Variants in CT47B1 observed in about 807,000 individuals in gnomAD.
CT47B1 encodes the protein cancer/testis antigen family 47 member B1.
In CT47B1, 24 loss-of-function variants were observed where a neutral mutation model predicts 12.8. The observed-to-expected ratio is 1.87, with a 90% CI of 1.36 to 2.63. The LOEUF is 2.63. Among genes scored for constraint, CT47B1 ranks in the 30% most tolerant of loss-of-function variants. The probability of loss-of-function intolerance (pLI) is 0.00; values close to 1 mark genes in which losing one functional copy is unlikely to be tolerated. For missense variants in CT47B1, 523 were observed against 271.3 expected, an observed-to-expected ratio of 1.93 and a Z score of -6.52; for synonymous variants, 228 against 133.3, an observed-to-expected ratio of 1.71 and a Z score of -4.89.
rs764730548 is a variant in CT47B1 at position 120,875,321 on chromosome X, G to T, written c.350C>A (p.Ala117Glu). Residue 117 changes from alanine (A) to glutamate (E), a missense_variant, in exon 1 of 3, where the codon GCG (alanine) becomes GAG (glutamate). By Grantham distance (107) the Ala-to-Glu change is moderately radical. Transcript: ENST00000371311. ...CAGGAACACGAAGCCAATGCCCGCC[G>T]CCGGGTACCGACGGGTGGCCACCGC... is the stretch of plus-strand genomic sequence containing the variant. ...DLAVATRRYPAAGIGFVFLYL... is the reference protein window; with the variant it reads ...DLAVATRRYPEAGIGFVFLYL... The T allele has an allele frequency of 8.3e-6, 10 of 1,210,652 alleles. No individual in the cohort carries two copies. The East Asian group carries it at 8.9e-5, about 11-fold the overall frequency.
In CT47B1 at chrX:120,875,234, C is replaced by T. The variant is rs776813726; in HGVS notation, c.437G>A (p.Arg146His). ...CCCCACCATCAGGCGGCTGAGGTGA[C>T]GGTTCGCTATCTGGATGTGGTCGTT... ...YHNDHIQIAN[R>H]HLSRLMVGPH... Residue 146 changes from arginine (R) to histidine (H), a missense_variant, in exon 1 of 3, where the codon CGT (arginine) becomes CAT (histidine). Coordinates refer to ENST00000371311, the MANE Select transcript of CT47B1 (RefSeq NM_001145718.3). 1.6e-5 allele frequency: 19 copies of T among 1,210,112 alleles called. No individual in the cohort carries two copies. Among genetic ancestry groups the T allele is most frequent in the East Asian group, 3.0e-5 (1 of 33,756 alleles).
Position 120,875,155 on chromosome X carries a change from G to T in CT47B1, c.516C>A (p.Ser172=), listed in dbSNP as rs751211819. Reference sequence around the variant, plus strand: ...CTGCAGCCCCTGCACCCAGCCTCTGGGACAGCAGCAGCAGGGGAGGGTTGT... The same window carrying T: ...CTGCAGCCCCTGCACCCAGCCTCTGTGACAGCAGCAGCAGGGGAGGGTTGT... ...LWDNPPLLLL[S]QRLGAGAAAP... The change falls in exon 1 of 3, where the codon TCC becomes TCA. Residue 172 remains serine (S), a synonymous_variant. Coordinates refer to ENST00000371311, the MANE Select transcript of CT47B1 (RefSeq NM_001145718.3). The T allele has an allele frequency of 7.7e-5, 93 of 1,209,705 alleles. No individual in the cohort carries two copies. The African/African-American group carries it at 1.5e-3, about 19-fold the overall frequency.
Position 120,873,864 on chromosome X carries a change from C to T in CT47B1, c.*31+1G>A. ...TGATTCTCAAAGCTATACACAGATA[C>T]CTGGATTTTCTTGGCTTCACCTCTG... On this transcript the variant is annotated splice_donor_variant, in intron 2 of 2. Transcript: ENST00000371311. LOFTEE classifies it low-confidence loss of function (3UTR_SPLICE). 1 of 1,067,905 alleles carries T rather than the reference C, an allele frequency of 9.4e-7. No homozygotes were observed. The highest frequency in any genetic ancestry group is 3.2e-5 in the East Asian group (1 of 31,446). 88.0% of individuals were successfully genotyped at this position (1,067,905 alleles called of 1,213,427 possible).
Position 120,875,503 on chromosome X carries a change from C to G in CT47B1, c.168G>C (p.Gly56=). The G allele has an allele frequency of 8.3e-7, 1 of 1,199,472 alleles. No homozygotes were observed. The highest frequency in any genetic ancestry group is 1.1e-6 in the Non-Finnish European group (1 of 894,136). ...VPAAEVVGVA[G]PVEGLGEEEG... ...CCTCCTCCCCGAGGCCTTCCACGGG[C>G]CCTGCGACTCCGACCACCTCGGCCG... The change falls in exon 1 of 3, where the codon GGG becomes GGC. Residue 56 remains glycine (G), a synonymous_variant. Transcript: ENST00000371311.
In CT47B1 at chrX:120,875,548, G is replaced by A. The variant is rs770931566; in HGVS notation, c.123C>T (p.Asp41=). ...GNQEGGDSGP[D]SSDMVPAAEV... ...CGGCCGCAGGCACCATGTCGCTGCTGTCGGGGCCGGAGTCGCCGCCCTCCT... is the reference window on the plus strand; with the variant it reads ...CGGCCGCAGGCACCATGTCGCTGCTATCGGGGCCGGAGTCGCCGCCCTCCT... Residue 41 remains aspartate (D), a synonymous_variant, in exon 1 of 3, where the codon GAC becomes GAT. Transcript: ENST00000371311. 3 of 1,195,091 alleles carry A rather than the reference G, an allele frequency of 2.5e-6. No homozygotes were observed. Among genetic ancestry groups the A allele is most frequent in the Non-Finnish European group, 3.4e-6 (3 of 893,711 alleles).
In CT47B1 at chrX:120,875,296, C is replaced by A. The variant is rs753241129; in HGVS notation, c.375G>T (p.Leu125=). ...GGCGGAGAAGGGAGTGGACCAGGTA[C>A]AGGAACACGAAGCCAATGCCCGCCG... The part of the protein sequence containing the change: ...YPAAGIGFVF[L]YLVHSLLRRL... Residue 125 remains leucine (L), a synonymous_variant, in exon 1 of 3, where the codon CTG becomes CTT. Transcript: ENST00000371311. The A allele has an allele frequency of 3.3e-6, 4 of 1,211,349 alleles. No individual in the cohort carries two copies. Among genetic ancestry groups the A allele is most frequent in the South Asian group, 3.5e-5 (2 of 57,004 alleles).
rs766074421 is a variant in CT47B1, at chrX:120,875,288, A to C, written c.383T>G (p.Val128Gly). 5.0e-6 allele frequency: 6 copies of C among 1,210,158 alleles called. No individual in the cohort carries two copies. Among genetic ancestry groups the C allele is most frequent in the East Asian group, 5.9e-5 (2 of 33,751 alleles). Residue 128 changes from valine (V) to glycine (G), a missense_variant, in exon 1 of 3, where the codon GTC becomes GGC. Physicochemically the swap from Val to Gly is moderately radical, Grantham distance 109 (BLOSUM62 -3). Transcript: ENST00000371311. ...AGIGFVFLYL[V>G]HSLLRRLYHN... ...ATAGAGGCGGCGGAGAAGGGAGTGG[A>C]CCAGGTACAGGAACACGAAGCCAAT...
chrX:120,875,337 T>C lies in CT47B1; in HGVS notation c.334A>G (p.Thr112Ala), dbSNP rs752642147. ...EAANFDLAVA[T>A]RRYPAAGIGF... is the part of the protein sequence containing the mutation. Reference sequence around the variant, plus strand: ...ATGCCCGCCGCCGGGTACCGACGGGTGGCCACCGCCAAGTCGAAGTTGGCC... The same window carrying C: ...ATGCCCGCCGCCGGGTACCGACGGGCGGCCACCGCCAAGTCGAAGTTGGCC... The change falls in exon 1 of 3, where the codon ACC (threonine) becomes GCC (alanine). Residue 112 changes from threonine to alanine, a missense_variant. Transcript: ENST00000371311. The C allele has an allele frequency of 3.8e-4, 457 of 1,209,475 alleles. 1 individual carries two copies. In the South Asian group the frequency reaches 6.7e-3, roughly 18 times the overall value.
chrX:120,873,137 C>A (rs765868002), intron 2 of CT47B1, among the ~76,000 whole-genome samples: 1 of 99,838 alleles, frequency 1.0e-5, no homozygotes, highest in East Asian at 2.9e-4. Flanking sequence ...CCTTACCCTC[C>A]CAGACCCTTG....
intron 1 of CT47B1, among the ~76,000 whole-genome samples, 183 bp from the exon 2 acceptor site, chrX:120,874,203 C>G (rs1923848779): frequency 1.0e-5 from 1 of 97,297 alleles, no homozygotes; most frequent in African/African-American, 3.8e-5. Flanking sequence ...CCTCACGTTG[C>G]TGCTGCTTGA....
In CT47B1 at chrX:120,875,605, T is replaced by C; in HGVS notation, c.66A>G (p.Gly22=). 9.0e-7 allele frequency: 1 copy of C among 1,106,583 alleles called. No homozygotes were observed. Among genetic ancestry groups the C allele is most frequent in the Non-Finnish European group, 1.2e-6 (1 of 843,234 alleles). 91.2% of individuals were successfully genotyped at this position (1,106,583 alleles called of 1,213,427 possible). The change falls in exon 1 of 3, where the codon GGA becomes GGG. Residue 22 remains glycine (G), a synonymous_variant. Transcript: ENST00000371311. ...GDQEAPVSQE[G]AQAEAAGAGN... ...CAGCTCCGGCCGCCTCGGCCTGTGC[T>C]CCCTCCTGGCTTACCGGGGCCTCCT...
At chrX:120,874,478 A>G (rs1474625692) in intron 1 of CT47B1, among the ~76,000 whole-genome samples, 1 of 110,868 alleles carries the variant, frequency 9.0e-6, no homozygotes, top group Admixed American at 9.6e-5. Context: ...TGGGGGATCA[A>G]CTTTCTACGA....
chrX:120,874,788 A>G, intron 1 of CT47B1, 108 bp downstream of exon 1: 1 of 1,105,242 alleles, frequency 9.0e-7, no homozygotes, highest in Non-Finnish European at 1.2e-6. Flanking sequence ...CGAGGCCCCG[A>G]CCCCCCTTCA....
rs1301659303 is a variant in CT47B1 at position 120,875,227 on chromosome X, G to A, written c.444C>T (p.Leu148=). ...CGTGGGGCCCCACCATCAGGCGGCTGAGGTGACGGTTCGCTATCTGGATGT... is the reference window on the plus strand; with the variant it reads ...CGTGGGGCCCCACCATCAGGCGGCTAAGGTGACGGTTCGCTATCTGGATGT... ...NDHIQIANRH[L]SRLMVGPHAA... Residue 148 remains leucine (L), a synonymous_variant, in exon 1 of 3, where the codon CTC becomes CTT. Coordinates refer to ENST00000371311, the MANE Select transcript of CT47B1 (RefSeq NM_001145718.3). 10 of 1,211,452 alleles carry A rather than the reference G, an allele frequency of 8.3e-6. No homozygotes were observed. The highest frequency in any genetic ancestry group is 1.1e-5 in the Non-Finnish European group (10 of 894,907).
intron 1 of CT47B1, 120 bp downstream of exon 1, chrX:120,874,776 C>T: frequency 9.3e-7 from 1 of 1,077,043 alleles, no homozygotes; most frequent in East Asian, 3.0e-5. Context: ...TGCTTCACCA[C>T]CCGAGGCCCC....
chrX:120,875,506 T>G lies in CT47B1; in HGVS notation c.165A>C (p.Ala55=). The G allele has an allele frequency of 8.3e-7, 1 of 1,199,215 alleles. No individual in the cohort carries two copies. The highest frequency in any genetic ancestry group is 1.1e-6 in the Non-Finnish European group (1 of 894,094). The change falls in exon 1 of 3, where the codon GCA becomes GCC. Residue 55 remains alanine (A), a synonymous_variant. Transcript: ENST00000371311. The part of the protein sequence containing the change: ...MVPAAEVVGV[A]GPVEGLGEEE... ...CCTCCCCGAGGCCTTCCACGGGCCC[T>G]GCGACTCCGACCACCTCGGCCGCAG...
intron 1 of CT47B1, 61 bp downstream of exon 1, chrX:120,874,835 T>C: frequency 8.4e-7 from 1 of 1,188,290 alleles, no homozygotes; most frequent in Non-Finnish European, 1.1e-6. Context: ...ACCGCAGCCC[T>C]GCCCAGAGCC....
At position 120,875,075 on chromosome X, in the gene CT47B1, G is replaced by A; in HGVS notation, c.596C>T (p.Ala199Val). 2 of 1,209,515 alleles carry A rather than the reference G, an allele frequency of 1.7e-6. No individual in the cohort carries two copies. Among genetic ancestry groups the A allele is most frequent in the Non-Finnish European group, 2.2e-6 (2 of 894,570 alleles). The change falls in exon 1 of 3, where the codon GCC becomes GTC. Residue 199 changes from alanine to valine, a missense_variant. By Grantham distance (64) the Ala-to-Val change is moderately conservative. Transcript: ENST00000371311. ...CACTGCAGGCTCTGGGACCGACGCG[G>A]CCTCCTGGACCGACGCAGCCTCCTG... is the stretch of plus-strand genomic sequence containing the variant. The part of the protein sequence containing the change: ...LIQEAASVQE[A>V]ASVPEPAVPA...
At position 120,875,024 on chromosome X, in the gene CT47B1, C is replaced by T; in HGVS notation, c.647G>A (p.Arg216Lys). ...AVPADLAEMA[R>K]EPAEEAADEK... ...ATCTGCGGCCTCCTCCGCGGGCTCC[C>T]TGGCCATCTCGGCCAGGTCAGCTGG... Residue 216 changes from arginine (R) to lysine (K), a missense_variant, in exon 1 of 3, where the codon AGG becomes AAG. Coordinates refer to ENST00000371311, the MANE Select transcript of CT47B1 (RefSeq NM_001145718.3). The T allele has an allele frequency of 8.3e-7, 1 of 1,210,147 alleles. No homozygotes were observed. The highest frequency in any genetic ancestry group is 1.1e-6 in the Non-Finnish European group (1 of 894,866).
Sources: gnomAD v4.1 joint callset for allele counts (sites outside exome capture counted in the v4.1 genomes callset) on GRCh38, gnomAD v4.1.1 for gene constraint, MANE v1.5 for transcripts, NCBI Gene and HGNC (gene_info 2026-07-23, HGNC 2026-07-21) for gene names.